The following CLN8 variants were observed in gnomAD, a reference collection of about 807,000 sequenced individuals.
CLN8 encodes the protein CLN8 transmembrane ER and ERGIC protein.
In CLN8, 14 loss-of-function variants were observed where a neutral mutation model predicts 15.7. The ratio of observed to expected loss-of-function variants is 0.89; its 90% confidence interval spans 0.59 to 1.39. The LOEUF is 1.39. Ranked by LOEUF, CLN8 falls within the 40% of genes most tolerant of loss-of-function variation. CLN8 has a pLI of 0.00. For missense variants in CLN8, 415 were observed against 364.0 expected (o/e 1.14, Z -1.14); for synonymous variants, 188 against 151.0 (o/e 1.25, Z -1.80).
chr8:1,769,465 G>A (rs1801212716), intron 1 of CLN8, among the ~76,000 whole-genome samples: 3 of 152,204 alleles, frequency 2.0e-5, no homozygotes, highest in Admixed American at 2.0e-4. Flanking sequence ...TGCGTGGGGA[G>A]TGTGGTGTTC....
chr8:1,762,945 A>G (rs1192341286), upstream of CLN8: 1 of 152,234 alleles, frequency 6.6e-6, no homozygotes, highest in Non-Finnish European at 1.5e-5. Flanking sequence ...AGGGAACAAA[A>G]CACATTAGAC....
At position 1,771,053 on chromosome 8, in the gene CLN8, C is replaced by G. The variant is rs1563107002; in HGVS notation, c.-2C>G. The G allele has an allele frequency of 6.2e-7, 1 of 1,613,948 alleles. No individual in the cohort carries two copies. The highest frequency in any genetic ancestry group is 1.7e-5 in the Admixed American group (1 of 60,012). On this transcript the variant is annotated 5_prime_UTR_variant, in exon 2 of 3. Coordinates refer to ENST00000331222, the MANE Select transcript of CLN8 (RefSeq NM_018941.4). ...GACTCCTTTGGAATATAGCTGTGGA[C>G]AATGAATCCTGCGAGCGATGGGGGC...
chr8:1,766,936 C>G (rs1228766458), intron 1 of CLN8, among the ~76,000 whole-genome samples: 1 of 152,240 alleles, frequency 6.6e-6, no homozygotes, highest in African/African-American at 2.4e-5. Flanking sequence ...CAAGGCCTAG[C>G]CACACTTCTG....
chr8:1,761,500 T>G (rs951047352), upstream of CLN8, among the ~76,000 whole-genome samples: 1 of 152,218 alleles, frequency 6.6e-6, no homozygotes, highest in East Asian at 1.9e-4. Flanking sequence ...AATTTTTGTA[T>G]TTTTAGTAGA....
chr8:1,765,407 T>C (rs1801011883), intron 1 of CLN8, among the ~76,000 whole-genome samples: 1 of 152,246 alleles, frequency 6.6e-6, no homozygotes, highest in Non-Finnish European at 1.5e-5. Flanking sequence ...TGCTTGGAGC[T>C]GTGTAAGAGG....
intron 1 of CLN8, among the ~76,000 whole-genome samples, chr8:1,767,000 T>A (rs1257138063): frequency 6.6e-6 from 1 of 152,216 alleles, no homozygotes; most frequent in East Asian, 1.9e-4. Context: ...AGTACAACGC[T>A]GATGCCACGA....
At chr8:1,753,758 T>A (rs1800605658), upstream of CLN8, among the ~76,000 whole-genome samples, 1 of 143,918 alleles carries the variant, frequency 6.9e-6, no homozygotes, top group African/African-American at 2.6e-5. Context: ...TGGTTGTGGG[T>A]GCCTGTAATC....
Position 1,781,725 on chromosome 8 carries a change from G to A in CLN8, c.*1158G>A, listed in dbSNP as rs1363002102. On this transcript the variant is annotated 3_prime_UTR_variant, in exon 3 of 3. Coordinates refer to ENST00000331222, the MANE Select transcript of CLN8 (RefSeq NM_018941.4). ...CTAATTCTGTGGTTGGTGTTCCTCT[G>A]TAGATTTCAAGACAAGTAGTGATGT... The A allele has an allele frequency of 1.3e-5, 2 of 152,152 alleles. No homozygotes were observed. The highest frequency in any genetic ancestry group is 2.9e-5 in the Non-Finnish European group (2 of 68,050). The allele number at this position is 152,152 out of a possible 1,614,324, so 9.4% of individuals were successfully genotyped here. A position where few individuals can be genotyped will look rare whatever the true frequency, so the allele number is the denominator to read the frequency against.
Position 1,772,626 on chromosome 8 carries a change from T to TTGTGTGTG in CLN8, c.543+1049_543+1056dup, listed in dbSNP as rs568342994. ...GCGCCCACCACCACGCCTAGCTAAT[T>TTGTGTGTG]TGTGTGTGTGTGTGTGTGTGTGTGT... is the stretch of plus-strand genomic sequence containing the variant. On this transcript the variant is annotated intron_variant, in intron 2 of 2. Coordinates refer to ENST00000331222, the MANE Select transcript of CLN8 (RefSeq NM_018941.4). 8.1e-5 allele frequency among the ~76,000 whole-genome samples: 12 copies of TTGTGTGTG among 147,428 alleles called. No homozygotes were observed. In the South Asian group the frequency reaches 1.5e-3, roughly 19 times the overall value.
chr8:1,766,539 G>A (rs1208554222), intron 1 of CLN8, among the ~76,000 whole-genome samples: 1 of 151,784 alleles, frequency 6.6e-6, no homozygotes, highest in Non-Finnish European at 1.5e-5. Context: ...ACAGGCGCTC[G>A]CCATCACGCC....
At chr8:1,777,503 T>A (rs953150953) in intron 2 of CLN8, among the ~76,000 whole-genome samples, 1 of 152,238 alleles carries the variant, frequency 6.6e-6, no homozygotes, top group Non-Finnish European at 1.5e-5. Flanking sequence ...AATTTTTAAT[T>A]TTTTAAACTT....
At chr8:1,756,875 G>C (rs13282161) in intron 1 of CLN8, among the ~76,000 whole-genome samples, 106,155 of 151,758 alleles carry the variant, frequency 0.7, 37,271 homozygotes, top group South Asian at 0.78. Flanking sequence ...TAGAGACGGG[G>C]TTTGACCATG....
At chr8:1,757,997 G>A (rs1254180681) in intron 1 of CLN8, among the ~76,000 whole-genome samples, 1 of 152,032 alleles carries the variant, frequency 6.6e-6, no homozygotes, top group Admixed American at 6.6e-5. Context: ...GAGAGGTTAA[G>A]CAACCCCTCC....
chr8:1,776,713 G>A (rs1208476633), intron 2 of CLN8, among the ~76,000 whole-genome samples: 1 of 152,242 alleles, frequency 6.6e-6, no homozygotes, highest in Non-Finnish European at 1.5e-5. Flanking sequence ...AACAGCGTGT[G>A]AGACTTCTGG....
chr8:1,775,729 C>T (rs948737969), intron 2 of CLN8, among the ~76,000 whole-genome samples: 1 of 152,192 alleles, frequency 6.6e-6, no homozygotes, highest in Non-Finnish European at 1.5e-5. Flanking sequence ...CAGTTCATCA[C>T]TGTGTGGGGC....
At chr8:1,757,025 C>T (rs1800687254) in intron 1 of CLN8, among the ~76,000 whole-genome samples, 1 of 152,154 alleles carries the variant, frequency 6.6e-6, no homozygotes, top group African/African-American at 2.4e-5. Flanking sequence ...TCCTTTAGGT[C>T]ACCCAAGTGC....
intron 2 of CLN8, chr8:1,772,992 A>G (rs1801374447): frequency 2.5e-6 from 1 of 398,494 alleles, no homozygotes; most frequent in Non-Finnish European, 4.4e-6. Context: ...CGAGGTGGGT[A>G]GATGATATCA....
intron 2 of CLN8, among the ~76,000 whole-genome samples, chr8:1,774,660 C>T (rs771938012): frequency 3.4e-4 from 52 of 152,202 alleles, no homozygotes; most frequent in Non-Finnish European, 6.2e-4. Context: ...ACTATTTATC[C>T]ACAGACTCAC....
chr8:1,780,049 G>T, intron 2 of CLN8: 3 of 985,492 alleles, frequency 3.0e-6, no homozygotes, highest in Non-Finnish European at 3.6e-6. Flanking sequence ...CAGCCCTGCT[G>T]GCCCAGGTGC....
Sources: gnomAD v4.1 joint callset for allele counts (sites outside exome capture counted in the v4.1 genomes callset) on GRCh38, gnomAD v4.1.1 for gene constraint, MANE v1.5 for transcripts, NCBI Gene and HGNC (gene_info 2026-07-23, HGNC 2026-07-21) for gene names.